ATP7A: variants seen among roughly 807,000 people sequenced by gnomAD.
The protein encoded by ATP7A is copper-transporting ATPase 1.
ATP7A carries 7 observed loss-of-function variants against 83.5 expected under a neutral mutation model. That is an observed-to-expected ratio of 0.08 (90% CI 0.05 to 0.16). The LOEUF (loss-of-function observed/expected upper bound fraction) is 0.16. Among genes scored for constraint, ATP7A ranks in the 10% least tolerant of loss-of-function variants. ATP7A has a pLI of 1.00. For synonymous variants in ATP7A, 354 were observed against 395.2 expected (o/e 0.90, Z 1.24); for missense variants, 940 against 1,120.8 (o/e 0.84, Z 2.30).
At chrX:77,924,008 T>C (rs1270025890) in intron 1 of ATP7A, 1 of 111,959 alleles carries the variant, frequency 8.9e-6, no homozygotes, top group Non-Finnish European at 1.9e-5. Context: ...AAGGGAAGCA[T>C]CTACTTTGTG....
At chrX:77,953,001 C>T (rs1288944765) in intron 1 of ATP7A, among the ~76,000 whole-genome samples, 1 of 110,802 alleles carries the variant, frequency 9.0e-6, no homozygotes, top group African/African-American at 3.3e-5. Flanking sequence ...AGGCTGGTCT[C>T]GAACTCCTGG....
chrX:78,042,507 T>C, intron 19 of ATP7A, 78 bp from the exon 20 acceptor site: 1 of 1,016,656 alleles, frequency 9.8e-7, no homozygotes, highest in Non-Finnish European at 1.4e-6. Flanking sequence ...GGGTGAAAAC[T>C]GATGGCTTGT....
At chrX:77,922,001 C>A (rs1337713991) in intron 1 of ATP7A, among the ~76,000 whole-genome samples, 4 of 110,776 alleles carry the variant, frequency 3.6e-5, no homozygotes, top group African/African-American at 6.6e-5. Context: ...CGCTATGTTG[C>A]TCAGGCTGAT....
chrX:78,017,765 CTTTTTTTTTT>C lies in ATP7A; in HGVS notation c.2626+1904_2626+1913del, dbSNP rs1176316040. On this transcript the variant is annotated intron_variant, in intron 12 of 22. Coordinates refer to ENST00000341514, the MANE Select transcript of ATP7A (RefSeq NM_000052.7). ...ATGCCATCCGTCTCTTTTCTTGTTTCTTTTTTTTTTTTTTTTTTTTTTTTTTTTTGAGACG... is the reference window on the plus strand; with the variant it reads ...ATGCCATCCGTCTCTTTTCTTGTTTCTTTTTTTTTTTTTTTTTTTGAGACG... Among the ~76,000 whole-genome samples, 385 of 45,815 alleles carry C rather than the reference CTTTTTTTTTT, an allele frequency of 8.4e-3. 3 individuals carry two copies. The highest frequency in any genetic ancestry group is 0.011 in the Non-Finnish European group (298 of 26,351). The allele number at this position is 45,815 out of a possible 115,157, so 39.8% of individuals were successfully genotyped here.
chrX:78,002,244 ATT>A (rs781804302), intron 5 of ATP7A, among the ~76,000 whole-genome samples: 8 of 81,392 alleles, frequency 9.8e-5, no homozygotes, highest in Admixed American at 2.7e-4. Context: ...TAATTTTTGT[ATT>A]TTTTTTTTTT....
chrX:78,022,540 CAG>C (rs1389646769), intron 14 of ATP7A, among the ~76,000 whole-genome samples: 1 of 77,783 alleles, frequency 1.3e-5, no homozygotes, highest in African/African-American at 4.5e-5. Context: ...TTTATTGCGA[CAG>C]AGTCTTGCTC....
intron 5 of ATP7A, among the ~76,000 whole-genome samples, chrX:77,999,791 C>T (rs1355470589): frequency 9.1e-6 from 1 of 109,750 alleles, no homozygotes; most frequent in Non-Finnish European, 1.9e-5. Flanking sequence ...GGAGTCCCAG[C>T]TACTTGGGAG....
At position 77,998,377 on chromosome X, in the gene ATP7A, A is replaced by C. The variant is rs1557232763; in HGVS notation, c.1337-101A>C. 3.6e-6 allele frequency: 3 copies of C among 839,190 alleles called. No homozygotes were observed. In the East Asian group the frequency reaches 9.4e-5, roughly 26 times the overall value. 69.2% of individuals were successfully genotyped at this position (839,190 alleles called of 1,213,427 possible). On this transcript the variant is annotated intron_variant, in intron 4 of 22. Transcript: ENST00000341514. ...AGTAGGAACTTGCTCGTTTTAAAGG[A>C]ATAGATTGTCAGTGCCTGGAGGTAT...
At chrX:78,016,386 G>A (rs1036735894) in intron 12 of ATP7A, among the ~76,000 whole-genome samples, 3 of 110,858 alleles carry the variant, frequency 2.7e-5, no homozygotes, top group Non-Finnish European at 5.7e-5. Context: ...TTTGGGTGGG[G>A]ACACAGAGCC....
At chrX:77,925,367 G>A (rs1441194891) in intron 1 of ATP7A, among the ~76,000 whole-genome samples, 5 of 111,608 alleles carry the variant, frequency 4.5e-5, no homozygotes, top group Non-Finnish European at 9.4e-5. Flanking sequence ...CATACACCAC[G>A]TATACTGAGT....
chrX:77,980,379 A>G (rs1557230773), intron 2 of ATP7A, among the ~76,000 whole-genome samples: 1 of 110,003 alleles, frequency 9.1e-6, no homozygotes, highest in Non-Finnish European at 1.9e-5. Context: ...CTGGAGGTGG[A>G]GGTTGCAGTG....
intron 1 of ATP7A, among the ~76,000 whole-genome samples, chrX:77,953,414 A>G (rs1321174529): frequency 8.9e-6 from 1 of 111,830 alleles, no homozygotes; most frequent in Non-Finnish European, 1.9e-5. Flanking sequence ...TAGCCTTCAT[A>G]GACTCAAAGA....
At chrX:77,951,744 T>A (rs1379889563) in intron 1 of ATP7A, among the ~76,000 whole-genome samples, 1 of 111,310 alleles carries the variant, frequency 9.0e-6, no homozygotes, top group East Asian at 2.8e-4. Flanking sequence ...CATGCCCAGC[T>A]AATTTTTGTA....
At chrX:77,918,275 T>C (rs983537923) in intron 1 of ATP7A, among the ~76,000 whole-genome samples, 16 of 109,940 alleles carry the variant, frequency 1.5e-4, no homozygotes, top group African/African-American at 5.0e-4. Flanking sequence ...TCTTACTTTG[T>C]TGCCCAGGCT....
intron 1 of ATP7A, among the ~76,000 whole-genome samples, chrX:77,956,343 G>C (rs2077441070): frequency 9.0e-6 from 1 of 111,589 alleles, no homozygotes. Flanking sequence ...GAGTGAGTTG[G>C]TATCTCCTTG....
Position 78,013,126 on chromosome X carries a change from GGGT to G in ATP7A, c.2406+16_2406+18del, listed in dbSNP as rs782017566. The G allele has an allele frequency of 2.5e-6, 3 of 1,180,005 alleles. No homozygotes were observed. The highest frequency in any genetic ancestry group is 3.5e-6 in the Non-Finnish European group (3 of 868,065). On this transcript the variant is annotated intron_variant, in intron 10 of 22. Transcript: ENST00000341514. The stretch of plus-strand genomic sequence containing the variant: ...CATATAGCAAAGGTAAAGTAAGAAA[GGGT>G]GACATTTGTTAAAATGTTGGGTGGA...
At chrX:78,027,822 A>G (rs782704986) in intron 14 of ATP7A, among the ~76,000 whole-genome samples, 1 of 110,899 alleles carries the variant, frequency 9.0e-6, no homozygotes, top group East Asian at 2.8e-4. Context: ...AAAGTTGACC[A>G]AAACAAGCAA....
intron 1 of ATP7A, chrX:77,969,064 C>A: frequency 1.7e-6 from 2 of 1,211,969 alleles, no homozygotes; most frequent in South Asian, 3.5e-5. Flanking sequence ...CTTGGCAATG[C>A]CCTGGAGGCT....
intron 1 of ATP7A, among the ~76,000 whole-genome samples, chrX:77,937,026 G>A (rs1557225102): frequency 8.9e-6 from 1 of 112,491 alleles, no homozygotes; most frequent in African/African-American, 3.2e-5. Context: ...ATAACAAAAT[G>A]GGTAAAAGAT....
Sources: gnomAD v4.1 joint callset for allele counts (sites outside exome capture counted in the v4.1 genomes callset) on GRCh38, gnomAD v4.1.1 for gene constraint, MANE v1.5 for transcripts, NCBI Gene and HGNC (gene_info 2026-07-23, HGNC 2026-07-21) for gene names.